TTC13: variants seen among roughly 807,000 people sequenced by gnomAD.
TTC13 encodes tetratricopeptide repeat protein 13.
A neutral mutation model predicts 120.0 loss-of-function variants in TTC13; 62 were observed. That is an observed-to-expected ratio of 0.52 (90% CI 0.42 to 0.64). TTC13 has a LOEUF of 0.64. Ranked by LOEUF, TTC13 falls within the 30% of genes least tolerant of loss-of-function variation. TTC13 has a pLI of 0.00. For synonymous variants in TTC13, 384 were observed against 393.5 expected (o/e 0.98, Z 0.28); for missense variants, 824 against 1,050.2 (o/e 0.78, Z 2.98).
chr1:230,936,727 C>T (rs961953257), intron 8 of TTC13: 5 of 137,298 alleles, frequency 3.6e-5, no homozygotes, highest in Admixed American at 7.0e-5. Context: ...TTCTAAATTG[C>T]TGTTGGCCAA....
chr1:230,932,675 C>G (rs1365855208), intron 9 of TTC13, among the ~76,000 whole-genome samples: 8 of 152,198 alleles, frequency 5.3e-5, no homozygotes, highest in Non-Finnish European at 1.2e-4. Context: ...AGACAGGAAG[C>G]ACAAATATCA....
At chr1:230,934,736 T>C (rs1673882422) in intron 8 of TTC13, among the ~76,000 whole-genome samples, 1 of 152,222 alleles carries the variant, frequency 6.6e-6, no homozygotes, top group Non-Finnish European at 1.5e-5. Context: ...CTTACTAAAG[T>C]TACCTGCTAT....
At chr1:230,913,110 A>G (rs1341767980) in intron 18 of TTC13, among the ~76,000 whole-genome samples, 2 of 152,224 alleles carry the variant, frequency 1.3e-5, no homozygotes, top group African/African-American at 4.8e-5. Flanking sequence ...CCACCCCATT[A>G]GGATTAAAGG....
intron 17 of TTC13, among the ~76,000 whole-genome samples, chr1:230,917,474 C>T (rs546785869): frequency 3.9e-5 from 6 of 152,218 alleles, no homozygotes; most frequent in Admixed American, 3.9e-4. Flanking sequence ...TACCATTGTG[C>T]CTTTCAGTGG....
At chr1:230,956,989 C>A (rs550284110) in intron 3 of TTC13, among the ~76,000 whole-genome samples, 1 of 152,214 alleles carries the variant, frequency 6.6e-6, no homozygotes, top group African/African-American at 2.4e-5. Context: ...GCCTACACTA[C>A]CCCAGGGTCT....
intron 2 of TTC13, among the ~76,000 whole-genome samples, chr1:230,960,382 C>T (rs1366717281): frequency 3.3e-5 from 5 of 152,196 alleles, no homozygotes; most frequent in Admixed American, 1.3e-4. Flanking sequence ...TCTACTTAAA[C>T]ACTTTCAGAG....
Position 230,931,279 on chromosome 1 carries a change from C to A in TTC13, c.1300+19G>T. ...CTTTGAGCATGAAAATCCAACAATT[C>A]TGTGATTTTCTGACTTACCTCGGAG... is the stretch of plus-strand genomic sequence containing the variant. On this transcript the variant is annotated intron_variant, in intron 11 of 22. Transcript: ENST00000366661. 1 of 1,609,180 alleles carries A rather than the reference C, an allele frequency of 6.2e-7. No individual in the cohort carries two copies. The highest frequency in any genetic ancestry group is 1.1e-5 in the South Asian group (1 of 90,532).
intron 19 of TTC13, 89 bp from the exon 20 acceptor site, chr1:230,911,638 A>G: frequency 1.3e-6 from 1 of 778,814 alleles, no homozygotes; most frequent in Non-Finnish European, 2.0e-6. Flanking sequence ...AATAATCTAC[A>G]TCAAGAAGAG....
chr1:230,968,588 C>G (rs1425011905), intron 1 of TTC13, among the ~76,000 whole-genome samples: 2 of 152,018 alleles, frequency 1.3e-5, no homozygotes, highest in African/African-American at 4.8e-5. Context: ...AGGTGGGAGG[C>G]CATGGCCAGT....
intron 20 of TTC13, 199 bp downstream of exon 20, chr1:230,911,271 A>G (rs937068722): frequency 2.2e-6 from 1 of 454,148 alleles, no homozygotes; most frequent in African/African-American, 2.0e-5. Context: ...TAAGCACACT[A>G]TATTAGAACT....
chr1:230,968,224 A>AAC (rs1191885970), intron 1 of TTC13, among the ~76,000 whole-genome samples: 3 of 151,714 alleles, frequency 2.0e-5, no homozygotes, highest in Non-Finnish European at 2.9e-5. Flanking sequence ...TTAAAAAAAA[A>AAC]ACACACATCA....
chr1:230,923,775 C>A, intron 15 of TTC13, 66 bp downstream of exon 15: 1 of 1,372,250 alleles, frequency 7.3e-7, no homozygotes, highest in South Asian at 1.2e-5. Flanking sequence ...CACTCCTGGT[C>A]TCCATGGCCT....
intron 8 of TTC13, among the ~76,000 whole-genome samples, 200 bp downstream of exon 8, chr1:230,939,186 A>G (rs1489483296): frequency 3.9e-5 from 6 of 152,240 alleles, no homozygotes; most frequent in Non-Finnish European, 8.8e-5. Context: ...TGCAAACTGT[A>G]TCCTCTATAA....
chr1:230,969,038 G>C (rs1677444606), intron 1 of TTC13, among the ~76,000 whole-genome samples: 1 of 152,206 alleles, frequency 6.6e-6, no homozygotes, highest in Non-Finnish European at 1.5e-5. Flanking sequence ...ACTTTGGGAG[G>C]CTGAGGTGGG....
At chr1:230,969,194 G>A (rs549367303) in intron 1 of TTC13, among the ~76,000 whole-genome samples, 67 of 152,154 alleles carry the variant, frequency 4.4e-4, no homozygotes, top group Admixed American at 2.0e-3. Context: ...CCTGGGAGGC[G>A]AAGCTTGCAG....
intron 2 of TTC13, among the ~76,000 whole-genome samples, chr1:230,959,317 T>A (rs1676400438): frequency 6.6e-6 from 1 of 151,840 alleles, no homozygotes; most frequent in South Asian, 2.1e-4. Context: ...GAAGAATATA[T>A]CTGATTTTAA....
At chr1:230,934,038 C>A (rs1310111942) in intron 8 of TTC13, among the ~76,000 whole-genome samples, 177 bp from the exon 9 acceptor site, 2 of 152,130 alleles carry the variant, frequency 1.3e-5, no homozygotes, top group Non-Finnish European at 2.9e-5. Flanking sequence ...GATTTAATTT[C>A]AGTAAACAAA....
At chr1:230,977,792 AT>A (rs149286045) in intron 1 of TTC13, among the ~76,000 whole-genome samples, 15,205 of 152,236 alleles carry the variant, frequency 0.1, 790 homozygotes, top group South Asian at 0.17. Flanking sequence ...AAACAAAAAA[AT>A]GTACACACGT....
intron 8 of TTC13, among the ~76,000 whole-genome samples, chr1:230,935,049 T>G (rs1673912449): frequency 6.6e-6 from 1 of 152,204 alleles, no homozygotes; most frequent in Admixed American, 6.5e-5. Flanking sequence ...GATGACAATC[T>G]ACTAATTAAG....
Sources: allele counts gnomAD v4.1 joint callset (sites outside exome capture counted in the v4.1 genomes callset), GRCh38; gene constraint gnomAD v4.1.1; transcripts MANE v1.5; gene names NCBI Gene and HGNC (gene_info 2026-07-23, HGNC 2026-07-21).